The following GRK2 variants were observed in gnomAD, a reference collection of about 807,000 sequenced individuals.
GRK2 encodes the protein G protein-coupled receptor kinase 2.
GRK2 carries 23 observed loss-of-function variants against 97.8 expected under a neutral mutation model. That is an observed-to-expected ratio of 0.24 (90% CI 0.17 to 0.33). The LOEUF is 0.33. Among genes scored for constraint, GRK2 ranks in the 10% least tolerant of loss-of-function variants. The pLI is 1.00. For synonymous variants in GRK2, 425 were observed against 381.7 expected (o/e 1.11, Z -1.32); for missense variants, 633 against 956.9 (o/e 0.66, Z 4.47).
chr11:67,279,785 G>A (rs1860110818), intron 5 of GRK2, 54 bp from the exon 6 acceptor site: 2 of 1,612,652 alleles, frequency 1.2e-6, no homozygotes, highest in East Asian at 2.2e-5. Context: ...GGTGGGGCCT[G>A]GGCAACCACG....
Position 67,279,610 on chromosome 11 carries a change from CCT to C in GRK2, c.367-13_367-12del, listed in dbSNP as rs778165727. On this transcript the variant is annotated splice_polypyrimidine_tract_variant and intron_variant, in intron 4 of 20. Coordinates refer to ENST00000308595, the MANE Select transcript of GRK2 (RefSeq NM_001619.5). Reference sequence around the variant, plus strand: ...GGACCCTGCTGAGAATTCATGGCCACCTCTGTCTTCCCCAGCCCTTCTCGAAG... The same window carrying C: ...GGACCCTGCTGAGAATTCATGGCCACCTGTCTTCCCCAGCCCTTCTCGAAG... The C allele has an allele frequency of 6.2e-7, 1 of 1,613,334 alleles. No homozygotes were observed. Among genetic ancestry groups the C allele is most frequent in the Non-Finnish European group, 8.5e-7 (1 of 1,179,936 alleles).
rs146012493 is a variant in GRK2 at position 67,279,210 on chromosome 11, C to T, written c.201C>T (p.Leu67=). ...CACTGTTGCCTTCAGGGTACCTGCTCTTCCGAGACTTCTGCCTGAACCACC... is the reference window on the plus strand; with the variant it reads ...CACTGTTGCCTTCAGGGTACCTGCTTTTCCGAGACTTCTGCCTGAACCACC... ...KIFSQKLGYL[L]FRDFCLNHLE... The change falls in exon 3 of 21, where the codon CTC becomes CTT. Residue 67 remains leucine (L), a synonymous_variant. Transcript: ENST00000308595. The T allele has an allele frequency of 4.3e-6, 7 of 1,613,176 alleles. No individual in the cohort carries two copies. In the African/African-American group the frequency reaches 5.3e-5, roughly 12 times the overall value.
At position 67,281,498 on chromosome 11, in the gene GRK2, G is replaced by A. The variant is rs755961102; in HGVS notation, c.687G>A (p.Met229Ile). 3 of 1,613,712 alleles carry A rather than the reference G, an allele frequency of 1.9e-6. No individual in the cohort carries two copies. In the South Asian group the frequency reaches 3.3e-5, roughly 18 times the overall value. The change falls in exon 9 of 21, where the codon ATG becomes ATA. Residue 229 changes from methionine to isoleucine, a missense_variant. Around this residue, in one of 4 missense-constraint regions of GRK2, gnomAD observed 192 missense variants for 362.3 expected, o/e 0.53. Coordinates refer to ENST00000308595, the MANE Select transcript of GRK2 (RefSeq NM_001619.5). This position sits in a 1 kb window ranked among gnomAD's most constrained non-coding sequence, Gnocchi z 5.7. ...MKCLDKKRIK[M>I]KQGETLALNE... The stretch of plus-strand genomic sequence containing the variant: ...GCCTGGACAAAAAGCGCATCAAGAT[G>A]AAGCAGGGGGAGACCCTGGCCCTGA...
At chr11:67,267,985 T>C (rs2136486516) in intron 1 of GRK2, among the ~76,000 whole-genome samples, 1 of 152,352 alleles carries the variant, frequency 6.6e-6, no homozygotes, top group South Asian at 2.1e-4. Context: ...GCCACGATTC[T>C]TTGTGTCGTG....
At chr11:67,271,234 C>T (rs1250036659) in intron 1 of GRK2, among the ~76,000 whole-genome samples, 2 of 152,194 alleles carry the variant, frequency 1.3e-5, no homozygotes, top group Non-Finnish European at 2.9e-5. Flanking sequence ...CTGGATGGAG[C>T]TATATTCACG....
chr11:67,277,233 T>TCTGGGGG, intron 1 of GRK2, 39 bp from the exon 2 acceptor site: 1 of 1,593,672 alleles, frequency 6.3e-7, no homozygotes, highest in African/African-American at 1.3e-5. Flanking sequence ...CCCCACGGGC[T>TCTGGGGG]CTGGGGGCTT....
In GRK2 at chr11:67,282,332, G is replaced by A; in HGVS notation, c.1019G>A (p.Cys340Tyr). 6.2e-7 allele frequency: 1 copy of A among 1,613,256 alleles called. No homozygotes were observed. The change falls in exon 12 of 21, where the codon TGT (cysteine) becomes TAT (tyrosine). Residue 340 changes from cysteine (C) to tyrosine (Y), a missense_variant. By Grantham distance (194) the Cys-to-Tyr change is radical (BLOSUM62 -2). Around this residue, in one of 4 missense-constraint regions of GRK2, gnomAD observed 192 missense variants for 362.3 expected, o/e 0.53. Coordinates refer to ENST00000308595, the MANE Select transcript of GRK2 (RefSeq NM_001619.5). The surrounding 1 kb of genome is among the most constrained non-coding windows in gnomAD (Gnocchi z 6.9). ...CGGATCTCGGACCTGGGCCTGGCCT[G>A]TGACTTCTCCAAGAAGAAGCCCCAT... Reference protein sequence around the residue: ...HVRISDLGLACDFSKKKPHAS... With the variant: ...HVRISDLGLAYDFSKKKPHAS...
In GRK2 at chr11:67,269,002, C is replaced by T. The variant is rs921146603; in HGVS notation, c.113+2190C>T. Among the ~76,000 whole-genome samples the T allele has an allele frequency of 6.6e-5, 10 of 152,344 alleles. No individual in the cohort carries two copies. The East Asian group carries it at 7.7e-4, about 12-fold the overall frequency. On this transcript the variant is annotated intron_variant, in intron 1 of 20. Coordinates refer to ENST00000308595, the MANE Select transcript of GRK2 (RefSeq NM_001619.5). The surrounding 1 kb of genome is among the most constrained non-coding windows in gnomAD (Gnocchi z 4.1). Reference sequence around the variant, plus strand: ...GGTCACCATCAGCAGCATGGCCTTCCGCAAATCGCCCACATCTGTGAAACG... The same window carrying T: ...GGTCACCATCAGCAGCATGGCCTTCTGCAAATCGCCCACATCTGTGAAACG...
At chr11:67,280,046 T>G in intron 6 of GRK2, 146 bp downstream of exon 6, 1 of 753,228 alleles carries the variant, frequency 1.3e-6, no homozygotes, top group South Asian at 1.6e-5. Flanking sequence ...TTGCAAGGAC[T>G]CCTGAGAAGT....
chr11:67,273,366 T>A (rs1372617256), intron 1 of GRK2, among the ~76,000 whole-genome samples: 1 of 152,178 alleles, frequency 6.6e-6, no homozygotes, highest in African/African-American at 2.4e-5. Context: ...GATCTCAGGG[T>A]TGCTGACCTG....
In GRK2 at chr11:67,277,313, A is replaced by C; in HGVS notation, c.155A>C (p.Glu52Ala). ...CAGAAGTACCTGGAGGACCGGGGCG[A>C]GGTGACCTTTGAGAAGATCTTTTCC... ...VMQKYLEDRG[E>A]VTFEKIFSQK... The change falls in exon 2 of 21, where the codon GAG becomes GCG. Residue 52 changes from glutamate (E) to alanine (A), a missense_variant. Glu to Ala is a moderately radical substitution (Grantham distance 107). Coordinates refer to ENST00000308595, the MANE Select transcript of GRK2 (RefSeq NM_001619.5). 1.9e-6 allele frequency: 3 copies of C among 1,613,730 alleles called. No homozygotes were observed. The highest frequency in any genetic ancestry group is 2.5e-6 in the Non-Finnish European group (3 of 1,179,958).
At chr11:67,278,083 T>C (rs898600209) in intron 2 of GRK2, among the ~76,000 whole-genome samples, 2 of 152,232 alleles carry the variant, frequency 1.3e-5, no homozygotes, top group African/African-American at 4.8e-5. Context: ...CTGAGCCTGA[T>C]GGTGTCCTCA....
chr11:67,282,872 G>A lies in GRK2; in HGVS notation c.1227+54G>A. ...AGGGGGCTGGGGGGAGCTCCTGTGG[G>A]TGCCAGGCCATGACTCTTGCTTCCC... is the stretch of plus-strand genomic sequence containing the variant. On this transcript the variant is annotated intron_variant, in intron 14 of 20. Transcript: ENST00000308595. This position sits in a 1 kb window ranked among gnomAD's most constrained non-coding sequence, Gnocchi z 6.9. 1 of 1,551,086 alleles carries A rather than the reference G, an allele frequency of 6.4e-7. No individual in the cohort carries two copies. The highest frequency in any genetic ancestry group is 8.7e-7 in the Non-Finnish European group (1 of 1,143,874).
chr11:67,273,677 GGTT>G (rs1222840308), intron 1 of GRK2, among the ~76,000 whole-genome samples: 1 of 152,124 alleles, frequency 6.6e-6, no homozygotes, highest in African/African-American at 2.4e-5. Flanking sequence ...GGGGGAGGGG[GGTT>G]GTTTATTTTA....
rs1239908705 is a variant in GRK2 at position 67,281,963 on chromosome 11, C to T, written c.957+11C>T. On this transcript the variant is annotated intron_variant, in intron 11 of 20. Coordinates refer to ENST00000308595, the MANE Select transcript of GRK2 (RefSeq NM_001619.5). The surrounding 1 kb of genome is among the most constrained non-coding windows in gnomAD (Gnocchi z 5.7). ...TACCGGGACCTGAAGGTGAGCGCCC[C>T]TGCTGTCCCCAGGCTGGACCTCCGT... The T allele has an allele frequency of 6.2e-7, 1 of 1,613,210 alleles. No individual in the cohort carries two copies. Among genetic ancestry groups the T allele is most frequent in the African/African-American group, 1.3e-5 (1 of 75,028 alleles).
At position 67,284,200 on chromosome 11, in the gene GRK2, A is replaced by C. The variant is rs1860221176; in HGVS notation, c.1492-11A>C. 1 of 1,613,200 alleles carries C rather than the reference A, an allele frequency of 6.2e-7. No homozygotes were observed. The highest frequency in any genetic ancestry group is 1.3e-5 in the African/African-American group (1 of 74,802). On this transcript the variant is annotated splice_polypyrimidine_tract_variant and intron_variant, in intron 17 of 20. Coordinates refer to ENST00000308595, the MANE Select transcript of GRK2 (RefSeq NM_001619.5). ...CCACCCATGTGCCCCTGCCCCATCC[A>C]CCTGGTAAAGTTACTGGACAGTGAT...
In GRK2 at chr11:67,285,079, G is replaced by A. The variant is rs545841183; in HGVS notation, c.1796G>A (p.Ser599Asn). Reference sequence around the variant, plus strand: ...CACCCATCCCTGGCCCTGCAGCAGAGCCTGCTGACCATGGAGGAGATCCAG... The same window carrying A: ...CACCCATCCCTGGCCCTGCAGCAGAACCTGCTGACCATGGAGGAGATCCAG... ...EWRGEGEAPQ[S>N]LLTMEEIQSV... is the part of the protein sequence containing the mutation. Residue 599 changes from serine to asparagine, a missense_variant, in exon 20 of 21, where the codon AGC (serine) becomes AAC (asparagine). This residue lies in a region of GRK2 where 180 missense variants were observed against 311.3 expected (regional missense o/e 0.58). Transcript: ENST00000308595. 6.2e-7 allele frequency: 1 copy of A among 1,613,230 alleles called. No individual in the cohort carries two copies. Among genetic ancestry groups the A allele is most frequent in the East Asian group, 2.2e-5 (1 of 44,876 alleles).
intron 1 of GRK2, among the ~76,000 whole-genome samples, chr11:67,268,739 G>A (rs1454502222): frequency 1.3e-5 from 2 of 152,222 alleles, no homozygotes; most frequent in Non-Finnish European, 2.9e-5. Context: ...GGTAGTGATG[G>A]CGGTGATAGC....
intron 2 of GRK2, among the ~76,000 whole-genome samples, chr11:67,278,361 C>T (rs554288439): frequency 3.9e-5 from 6 of 152,280 alleles, no homozygotes; most frequent in South Asian, 2.1e-4. Flanking sequence ...GCTCGGGGGC[C>T]GGGGTCCAGG....
Sources: gnomAD v4.1 joint callset for allele counts (sites outside exome capture counted in the v4.1 genomes callset) on GRCh38, gnomAD v4.1.1 for gene constraint, gnomAD v4.1.1 regional missense constraint, Gnocchi (gnomAD v3.1) non-coding constraint, MANE v1.5 for transcripts, NCBI Gene and HGNC (gene_info 2026-07-23, HGNC 2026-07-21) for gene names.